The following GNG12 variants were observed in gnomAD, a reference collection of about 807,000 sequenced individuals.
The protein encoded by GNG12 is guanine nucleotide-binding protein G(I)/G(S)/G(O) subunit gamma-12.
For missense variants in GNG12, 69 were observed against 83.8 expected (o/e 0.82, Z 0.69); for synonymous variants, 28 against 29.7 (o/e 0.94, Z 0.19).
chr1:67,772,012 G>T (rs2100755528), intron 2 of GNG12, among the ~76,000 whole-genome samples: 1 of 152,262 alleles, frequency 6.6e-6, no homozygotes, highest in African/African-American at 2.4e-5. Flanking sequence ...ATTGAGCCAA[G>T]ACAAGAAAGG....
chr1:67,752,160 G>A (rs1390289359), intron 2 of GNG12, among the ~76,000 whole-genome samples: 1 of 152,144 alleles, frequency 6.6e-6, no homozygotes, highest in South Asian at 2.1e-4. Context: ...TCTTTGATCA[G>A]CTCTTACAGG....
intron 2 of GNG12, among the ~76,000 whole-genome samples, chr1:67,741,681 T>C (rs1646483537): frequency 2.0e-5 from 3 of 152,236 alleles, no homozygotes; most frequent in Admixed American, 2.0e-4. Flanking sequence ...CTGTATAACT[T>C]GAAAAAGCTC....
chr1:67,809,175 A>G (rs1646909510), intron 1 of GNG12, among the ~76,000 whole-genome samples: 1 of 152,184 alleles, frequency 6.6e-6, no homozygotes, highest in Non-Finnish European at 1.5e-5. Context: ...AATACAGTGG[A>G]GCAAAAATAG....
intron 2 of GNG12, among the ~76,000 whole-genome samples, chr1:67,717,891 C>G (rs1358444288): frequency 1.3e-5 from 2 of 152,178 alleles, no homozygotes; most frequent in Non-Finnish European, 2.9e-5. Context: ...TCACTTATTA[C>G]GCTAAGTTGC....
intron 1 of GNG12, among the ~76,000 whole-genome samples, chr1:67,829,240 C>G (rs1647029380): frequency 6.6e-6 from 1 of 152,154 alleles, no homozygotes; most frequent in African/African-American, 2.4e-5. Context: ...ACTGTGCATA[C>G]TGCTTTTCCC....
intron 2 of GNG12, among the ~76,000 whole-genome samples, chr1:67,760,229 AATCT>A (rs1646593963): frequency 6.6e-6 from 1 of 152,114 alleles, no homozygotes; most frequent in African/African-American, 2.4e-5. Flanking sequence ...TGTGGGCTCT[AATCT>A]ATGCTTTGCT....
At chr1:67,807,026 C>T (rs2100804043) in intron 1 of GNG12, among the ~76,000 whole-genome samples, 1 of 151,990 alleles carries the variant, frequency 6.6e-6, no homozygotes, top group African/African-American at 2.4e-5. Flanking sequence ...TAACAGAGAC[C>T]ACACACTGGG....
chr1:67,710,151 G>T (rs367813670), intron 2 of GNG12, among the ~76,000 whole-genome samples: 5 of 8,092 alleles, frequency 6.2e-4, no homozygotes, highest in South Asian at 4.2e-3. Context: ...TATATATATA[G>T]TTATATATAT....
At chr1:67,727,439 G>T (rs1646393063) in intron 2 of GNG12, among the ~76,000 whole-genome samples, 1 of 152,254 alleles carries the variant, frequency 6.6e-6, no homozygotes, top group East Asian at 1.9e-4. Flanking sequence ...GAAATTATAA[G>T]ATTGATTTTG....
chr1:67,813,030 C>T (rs1646934431), intron 1 of GNG12, among the ~76,000 whole-genome samples: 1 of 152,186 alleles, frequency 6.6e-6, no homozygotes, highest in Non-Finnish European at 1.5e-5. Context: ...AGTTAGGCTC[C>T]ATAATGACGA....
At chr1:67,819,795 T>C (rs1446457185) in intron 1 of GNG12, among the ~76,000 whole-genome samples, 1 of 152,170 alleles carries the variant, frequency 6.6e-6, no homozygotes, top group Non-Finnish European at 1.5e-5. Flanking sequence ...TATTCCCAGC[T>C]CAGTGCCTTT....
At chr1:67,727,864 A>C (rs1369955235) in intron 2 of GNG12, among the ~76,000 whole-genome samples, 1 of 152,206 alleles carries the variant, frequency 6.6e-6, no homozygotes, top group Admixed American at 6.5e-5. Flanking sequence ...TTAGCATGCA[A>C]ATTTATGTGA....
chr1:67,739,536 G>A (rs1361017880), intron 2 of GNG12, among the ~76,000 whole-genome samples: 1 of 152,226 alleles, frequency 6.6e-6, no homozygotes, highest in Non-Finnish European at 1.5e-5. Flanking sequence ...GAAAATCACA[G>A]AATAGGGGCT....
intron 1 of GNG12, among the ~76,000 whole-genome samples, chr1:67,801,529 A>C (rs1646865598): frequency 2.0e-5 from 3 of 152,154 alleles, no homozygotes; most frequent in Admixed American, 1.3e-4. Flanking sequence ...TTAGTCTATG[A>C]ACCAAGAAGT....
intron 1 of GNG12, among the ~76,000 whole-genome samples, chr1:67,813,140 T>A (rs558086535): frequency 1.3e-5 from 2 of 149,538 alleles, no homozygotes; most frequent in Non-Finnish European, 3.0e-5. Flanking sequence ...GGGCCCTTTA[T>A]CAAATTAGAT....
chr1:67,711,367 A>AT (rs1646294627), intron 2 of GNG12, among the ~76,000 whole-genome samples: 1 of 151,998 alleles, frequency 6.6e-6, no homozygotes, highest in East Asian at 1.9e-4. Context: ...AGTGCCACAA[A>AT]TATGAGACTC....
intron 1 of GNG12, among the ~76,000 whole-genome samples, chr1:67,812,246 AT>A (rs1476451173): frequency 6.6e-6 from 1 of 152,206 alleles, no homozygotes; most frequent in Non-Finnish European, 1.5e-5. Flanking sequence ...AAAAATCTGT[AT>A]CAAAACCAAA....
chr1:67,821,972 G>A (rs931117051), intron 1 of GNG12, among the ~76,000 whole-genome samples: 1 of 151,854 alleles, frequency 6.6e-6, no homozygotes, highest in Non-Finnish European at 1.5e-5. Flanking sequence ...TCTAAACCAG[G>A]GGTGTCCAAT....
chr1:67,721,333 T>C (rs1261964173), intron 2 of GNG12, among the ~76,000 whole-genome samples: 1 of 152,008 alleles, frequency 6.6e-6, no homozygotes, highest in Non-Finnish European at 1.5e-5. Flanking sequence ...ACAGCTATGG[T>C]TCTAAACGCG....
Sources: gnomAD v4.1 joint callset for allele counts (sites outside exome capture counted in the v4.1 genomes callset) on GRCh38, gnomAD v4.1.1 for gene constraint, MANE v1.5 for transcripts, NCBI Gene and HGNC (gene_info 2026-07-23, HGNC 2026-07-21) for gene names.